Variants in CRYBG1 observed in about 807,000 individuals in gnomAD.
CRYBG1 encodes crystallin beta-gamma domain containing 1.
Under a neutral mutation model 189.2 loss-of-function variants are expected in CRYBG1, and 139 were observed. The observed-to-expected ratio is 0.73, with a 90% confidence interval of 0.64 to 0.85. The LOEUF is 0.85. CRYBG1 is among the 40% of genes least tolerant of loss of function. The pLI is 0.00. For missense variants in CRYBG1, 2,611 were observed against 2,675.8 expected, an observed-to-expected ratio of 0.98 and a Z score of 0.53; for synonymous variants, 1,023 against 1,017.1, an observed-to-expected ratio of 1.01 and a Z score of -0.11.
intron 2 of CRYBG1, among the ~76,000 whole-genome samples, chr6:106,467,789 G>A (rs1277111284): frequency 1.3e-5 from 2 of 151,922 alleles, no homozygotes; most frequent in Admixed American, 1.3e-4. Context: ...GTAATTTATT[G>A]CCTTTAATTG....
At chr6:106,541,483 A>T (rs1307746845) in intron 9 of CRYBG1, 103 bp from the exon 10 acceptor site, 15 of 1,099,570 alleles carry the variant, frequency 1.4e-5, no homozygotes, top group Non-Finnish European at 2.1e-5. Context: ...ACCAGAACAT[A>T]GTCACACTGA....
intron 1 of CRYBG1, among the ~76,000 whole-genome samples, chr6:106,364,753 G>C (rs951220100): frequency 7.2e-5 from 11 of 152,328 alleles, no homozygotes; most frequent in Non-Finnish European, 1.2e-4. Flanking sequence ...AATGTGCTCA[G>C]AATGTGGATT....
intron 13 of CRYBG1, among the ~76,000 whole-genome samples, chr6:106,551,602 C>T (rs1036686024): frequency 6.6e-6 from 1 of 152,192 alleles, no homozygotes; most frequent in African/African-American, 2.4e-5. Context: ...AACTGCTTTC[C>T]ACAGCAGCTA....
chr6:106,384,150 G>A (rs750541154), intron 1 of CRYBG1, among the ~76,000 whole-genome samples: 1 of 152,096 alleles, frequency 6.6e-6, no homozygotes, highest in Non-Finnish European at 1.5e-5. Flanking sequence ...GTTTAGGATG[G>A]AAAATAGCAT....
At chr6:106,487,546 A>C (rs1425954982) in intron 2 of CRYBG1, among the ~76,000 whole-genome samples, 1 of 152,068 alleles carries the variant, frequency 6.6e-6, no homozygotes, top group Non-Finnish European at 1.5e-5. Context: ...TGAAGCTCTC[A>C]ATGGTATTTT....
chr6:106,479,537 A>C (rs1478452193), intron 2 of CRYBG1, among the ~76,000 whole-genome samples: 1 of 152,188 alleles, frequency 6.6e-6, no homozygotes, highest in Non-Finnish European at 1.5e-5. Context: ...ATCATTTAAC[A>C]ATCCCACCAG....
intron 21 of CRYBG1, among the ~76,000 whole-genome samples, chr6:106,565,360 C>T (rs912620303): frequency 2.0e-5 from 3 of 151,624 alleles, no homozygotes; most frequent in Non-Finnish European, 2.9e-5. Flanking sequence ...GTGCTGTAAT[C>T]TGATTTTTAA....
chr6:106,535,342 A>G (rs748875313), intron 8 of CRYBG1, among the ~76,000 whole-genome samples: 13 of 152,236 alleles, frequency 8.5e-5, no homozygotes, highest in Non-Finnish European at 1.6e-4. Flanking sequence ...GTTTTCAAAC[A>G]TACAGAAAAG....
At chr6:106,393,567 C>T (rs1274274024) in intron 1 of CRYBG1, among the ~76,000 whole-genome samples, 1 of 152,172 alleles carries the variant, frequency 6.6e-6, no homozygotes, top group Non-Finnish European at 1.5e-5. Context: ...AATATTTTGA[C>T]TATTACCACT....
In CRYBG1 at chr6:106,360,896, G is replaced by A. The variant is rs1345957237; in HGVS notation, c.-13G>A. 4 of 1,523,834 alleles carry A rather than the reference G, an allele frequency of 2.6e-6. No homozygotes were observed. Among genetic ancestry groups the A allele is most frequent in the Non-Finnish European group, 3.5e-6 (4 of 1,140,670 alleles). The allele number at this position is 1,523,834 out of a possible 1,614,324, so 94.4% of individuals were successfully genotyped here. ...CCGCGTCCCGGCAGTCGGAGCGGGA[G>A]GAGGACAAGACGATGCCGCTGTCCC... On this transcript the variant is annotated 5_prime_UTR_variant, in exon 1 of 22. Coordinates refer to ENST00000633556, the MANE Select transcript of CRYBG1 (RefSeq NM_001371242.2).
At chr6:106,385,377 C>G (rs1181010679) in intron 1 of CRYBG1, among the ~76,000 whole-genome samples, 1 of 152,220 alleles carries the variant, frequency 6.6e-6, no homozygotes, top group Non-Finnish European at 1.5e-5. Context: ...CAGCATTTCT[C>G]TACTGGATAA....
chr6:106,515,756 A>AATTTATTT lies in CRYBG1; in HGVS notation c.1922+2762_1922+2769dup, dbSNP rs71726144. The stretch of plus-strand genomic sequence containing the variant: ...GGGAGAAATTTATGAGCAGAGATCA[A>AATTTATTT]ATTTATTTATTTATTTATTTATTTA... On this transcript the variant is annotated intron_variant, in intron 3 of 21. Transcript: ENST00000633556. Among the ~76,000 whole-genome samples, 362 of 141,326 alleles carry AATTTATTT rather than the reference A, an allele frequency of 2.6e-3. 1 individual carries two copies. Among genetic ancestry groups the AATTTATTT allele is most frequent in the Non-Finnish European group, 3.2e-3 (210 of 65,030 alleles). 92.7% of individuals were successfully genotyped at this position (141,326 alleles called of 152,430 possible). A position where few individuals can be genotyped will look rare whatever the true frequency, so the allele number is the denominator to read the frequency against.
intron 2 of CRYBG1, among the ~76,000 whole-genome samples, chr6:106,479,166 G>A (rs530686807): frequency 3.3e-5 from 5 of 152,208 alleles, no homozygotes; most frequent in African/African-American, 7.2e-5. Context: ...ATTCTGCTAC[G>A]AACATTTATG....
rs146905899 is a variant in CRYBG1 at position 106,521,068 on chromosome 6, C to G, written c.3860C>G (p.Thr1287Arg). ...TCTCAGTCTTCAGTGTCACAGCCCACGACTGAGGGTGCCCCGCCCTGTGGT... is the reference window on the plus strand; with the variant it reads ...TCTCAGTCTTCAGTGTCACAGCCCAGGACTGAGGGTGCCCCGCCCTGTGGT... ...SLSQSSVSQPTTEGAPPCGLN... is the reference protein window; with the variant it reads ...SLSQSSVSQPRTEGAPPCGLN... The change falls in exon 4 of 22, where the codon ACG (threonine) becomes AGG (arginine). Residue 1287 changes from threonine (T) to arginine (R), a missense_variant. Thr to Arg is a moderately conservative substitution (Grantham distance 71). This residue lies in a region of CRYBG1 where 1,622 missense variants were observed against 1,735.0 expected (regional missense o/e 0.93). Coordinates refer to ENST00000633556, the MANE Select transcript of CRYBG1 (RefSeq NM_001371242.2). The G allele has an allele frequency of 1.2e-6, 2 of 1,614,068 alleles. No homozygotes were observed. Among genetic ancestry groups the G allele is most frequent in the Admixed American group, 1.7e-5 (1 of 60,004 alleles).
chr6:106,516,487 G>T (rs989337166), intron 3 of CRYBG1, among the ~76,000 whole-genome samples: 3 of 152,154 alleles, frequency 2.0e-5, no homozygotes, highest in Non-Finnish European at 4.4e-5. Flanking sequence ...ACCCGCTTTG[G>T]CCTCCCAAAG....
At chr6:106,440,405 T>G (rs1771546213) in intron 1 of CRYBG1, among the ~76,000 whole-genome samples, 1 of 151,814 alleles carries the variant, frequency 6.6e-6, no homozygotes, top group African/African-American at 2.4e-5. Context: ...GCTGGGACTG[T>G]AGGCGCACAC....
At chr6:106,518,199 A>G (rs565294874) in intron 3 of CRYBG1, among the ~76,000 whole-genome samples, 1 of 151,934 alleles carries the variant, frequency 6.6e-6, no homozygotes, top group Non-Finnish European at 1.5e-5. Flanking sequence ...TTAGAAACAT[A>G]TAAAAATGTT....
At chr6:106,513,110 G>T in intron 3 of CRYBG1, 71 bp downstream of exon 3, 1 of 1,503,918 alleles carries the variant, frequency 6.6e-7, no homozygotes, top group Non-Finnish European at 8.9e-7. Flanking sequence ...TGAGAGGCTC[G>T]GGGTATCTGC....
At chr6:106,553,666 A>T in intron 16 of CRYBG1, 99 bp downstream of exon 16, 1 of 797,954 alleles carries the variant, frequency 1.3e-6, no homozygotes, top group South Asian at 1.5e-5. Flanking sequence ...GCTTGGCACT[A>T]TGCGAAACCA....
Sources: allele counts gnomAD v4.1 joint callset (sites outside exome capture counted in the v4.1 genomes callset), GRCh38; gene constraint gnomAD v4.1.1; regional missense constraint gnomAD v4.1.1; transcripts MANE v1.5; gene names NCBI Gene and HGNC (gene_info 2026-07-23, HGNC 2026-07-21).